Variants in LOXHD1 observed in about 807,000 individuals in gnomAD.
The protein encoded by LOXHD1 is lipoxygenase homology domain-containing protein 1.
In LOXHD1, 205 loss-of-function variants were observed where a neutral mutation model predicts 248.2. The ratio of observed to expected loss-of-function variants is 0.83; its 90% CI spans 0.74 to 0.93. The LOEUF (loss-of-function observed/expected upper bound fraction) is 0.93, where lower values mean the gene tolerates loss of function less well. Ranked by LOEUF, LOXHD1 falls within the 40% of genes least tolerant of loss-of-function variation. The pLI is 0.00. For synonymous variants in LOXHD1, 1,113 were observed against 1,162.8 expected (o/e 0.96, Z 0.87); for missense variants, 2,930 against 2,971.6 (o/e 0.99, Z 0.33).
chr18:46,486,551 AC>A (rs2033068779), intron 38 of LOXHD1, among the ~76,000 whole-genome samples: 1 of 152,114 alleles, frequency 6.6e-6, no homozygotes, highest in African/African-American at 2.4e-5. Context: ...CAGCCCAGAG[AC>A]CCAAAGCCAT....
intron 1 of LOXHD1, among the ~76,000 whole-genome samples, chr18:46,656,395 C>A (rs1318449177): frequency 6.6e-6 from 1 of 152,182 alleles, no homozygotes; most frequent in African/African-American, 2.4e-5. Context: ...AAGGACAAGG[C>A]CCTGGGGTCC....
At chr18:46,534,571 G>A (rs559032097) in intron 26 of LOXHD1, 120 bp from the exon 27 acceptor site, 24 of 735,130 alleles carry the variant, frequency 3.3e-5, no homozygotes, top group East Asian at 1.1e-4. Context: ...CTCCTGATAC[G>A]TCTCCACTAT....
chr18:46,641,124 C>T (rs1264666322), intron 3 of LOXHD1, among the ~76,000 whole-genome samples: 2 of 152,198 alleles, frequency 1.3e-5, no homozygotes, highest in Non-Finnish European at 2.9e-5. Context: ...CTCGTAACCT[C>T]CTTCCCTACA....
At chr18:46,648,256 TCAAAACAAAA>T (rs1183569480) in intron 2 of LOXHD1, among the ~76,000 whole-genome samples, 3 of 151,704 alleles carry the variant, frequency 2.0e-5, no homozygotes, top group East Asian at 1.9e-4. Context: ...AGACTCCATC[TCAAAACAAAA>T]CAAAACAAAA....
At chr18:46,648,811 T>C (rs1003257588) in intron 2 of LOXHD1, among the ~76,000 whole-genome samples, 3 of 152,098 alleles carry the variant, frequency 2.0e-5, no homozygotes, top group African/African-American at 7.2e-5. Context: ...CCGATATCTG[T>C]GTGATGATAT....
intron 31 of LOXHD1, among the ~76,000 whole-genome samples, chr18:46,523,855 A>T (rs2035698402): frequency 6.6e-6 from 1 of 152,010 alleles, no homozygotes; most frequent in South Asian, 2.1e-4. Context: ...GACTCCACAG[A>T]TCCACCATGT....
At chr18:46,478,830 C>T (rs776848168) in intron 40 of LOXHD1, among the ~76,000 whole-genome samples, 3 of 152,142 alleles carry the variant, frequency 2.0e-5, no homozygotes, top group Non-Finnish European at 4.4e-5. Flanking sequence ...GAAGCTGGAA[C>T]TATGAGCATG....
At position 46,644,800 on chromosome 18, in the gene LOXHD1, A is replaced by C. The variant is rs764742983; in HGVS notation, c.246-2764T>G. ...CTGAACGTGAATACATACGTTCCAA[A>C]GCATTTGTGAAACAATCCACCATGG... is the stretch of plus-strand genomic sequence containing the variant. On this transcript the variant is annotated intron_variant, in intron 2 of 40. Coordinates refer to ENST00000642948, the MANE Select transcript of LOXHD1 (RefSeq NM_001384474.1). Among the ~76,000 whole-genome samples, 26 of 152,304 alleles carry C rather than the reference A, an allele frequency of 1.7e-4. No homozygotes were observed. The South Asian group carries it at 2.3e-3, about 13-fold the overall frequency.
In LOXHD1 at chr18:46,533,279, AG is replaced by A; in HGVS notation, c.4257del (p.Ser1420LeufsTer22). 6.4e-7 allele frequency: 1 copy of A among 1,551,822 alleles called. No homozygotes were observed. Among genetic ancestry groups the A allele is most frequent in the Non-Finnish European group, 8.7e-7 (1 of 1,147,020 alleles). On this transcript the variant is annotated frameshift_variant, in exon 28 of 41. Transcript: ENST00000642948. LOFTEE classifies it high-confidence loss of function. Reference sequence around the variant, plus strand: ...CGAATGGTCTTTTTGTCATCCTCAGAGGTGGCAAGCCACCGATCGCATGGGA... The same window carrying A: ...CGAATGGTCTTTTTGTCATCCTCAGAGTGGCAAGCCACCGATCGCATGGGA... ...LTFPCDRWLA[T>X]SEDDKKTIRE...
chr18:46,500,095 T>C (rs183925752), intron 37 of LOXHD1, among the ~76,000 whole-genome samples: 158 of 152,276 alleles, frequency 1.0e-3, no homozygotes, highest in Non-Finnish European at 9.6e-4. Flanking sequence ...TCTCTTTTCT[T>C]CTTCCCCCTC....
In LOXHD1 at chr18:46,481,082, ATT is replaced by A. The variant is rs140818307; in HGVS notation, c.6341+2503_6341+2504del. Among the ~76,000 whole-genome samples the A allele has an allele frequency of 3.6e-3, 541 of 152,338 alleles. 2 individuals are homozygous for A. The highest frequency in any genetic ancestry group is 0.013 in the African/African-American group (525 of 41,576). On this transcript the variant is annotated intron_variant, in intron 40 of 40. Coordinates refer to ENST00000642948, the MANE Select transcript of LOXHD1 (RefSeq NM_001384474.1). ...TTTGGAGTTATTGTGTGTATGAGATATTGAGATTAAATTCATTTGTAATTCAT... is the reference window on the plus strand; with the variant it reads ...TTTGGAGTTATTGTGTGTATGAGATAGAGATTAAATTCATTTGTAATTCAT...
Position 46,563,213 on chromosome 18 carries a change from T to G in LOXHD1, c.2450A>C (p.Glu817Ala), listed in dbSNP as rs1279979772. The change falls in exon 18 of 41, where the codon GAG becomes GCG. Residue 817 changes from glutamate to alanine, a missense_variant. Transcript: ENST00000642948. ...CACATCTCCTGTCCAAATCTCAACC[T>G]CATAGTGGACCACTGGGTGGGCACG... Reference protein sequence around the residue: ...VVEIQKLVHYEVEIWTGDVGG... With the variant: ...VVEIQKLVHYAVEIWTGDVGG... 8 of 1,508,112 alleles carry G rather than the reference T, an allele frequency of 5.3e-6. No homozygotes were observed. Among genetic ancestry groups the G allele is most frequent in the Non-Finnish European group, 7.2e-6 (8 of 1,112,748 alleles). 93.4% of individuals were successfully genotyped at this position (1,508,112 alleles called of 1,614,324 possible).
intron 28 of LOXHD1, among the ~76,000 whole-genome samples, chr18:46,530,302 G>A (rs570829526): frequency 1.3e-5 from 2 of 152,288 alleles, no homozygotes; most frequent in South Asian, 4.1e-4. Flanking sequence ...GGGCCACAGG[G>A]ACCCCTCACC....
At chr18:46,652,427 G>A (rs1304095925) in intron 1 of LOXHD1, among the ~76,000 whole-genome samples, 1 of 152,182 alleles carries the variant, frequency 6.6e-6, no homozygotes, top group Non-Finnish European at 1.5e-5. Context: ...TACCACAAAA[G>A]AGGATAGCCA....
At chr18:46,607,758 C>T (rs987080869) in intron 6 of LOXHD1, among the ~76,000 whole-genome samples, 1 of 151,706 alleles carries the variant, frequency 6.6e-6, no homozygotes, top group African/African-American at 2.4e-5. Flanking sequence ...GACAAGTTCT[C>T]AAGGAATGCA....
At chr18:46,597,962 T>C (rs1437657052) in intron 8 of LOXHD1, among the ~76,000 whole-genome samples, 1 of 150,528 alleles carries the variant, frequency 6.6e-6, no homozygotes, top group Non-Finnish European at 1.5e-5. Flanking sequence ...AGAGATGGGG[T>C]TTCACCATGT....
Position 46,591,864 on chromosome 18 carries a change from G to A in LOXHD1, c.1654+69C>T, listed in dbSNP as rs12606558. On this transcript the variant is annotated intron_variant, in intron 12 of 40. Transcript: ENST00000642948. ...AGCAGACAAGACTCTCAGCTCATAG[G>A]TCAGGCCCATCGGGACACCAAGCAG... is the stretch of plus-strand genomic sequence containing the variant. The A allele has an allele frequency of 0.29, 443,756 of 1,532,462 alleles. 65,999 individuals are homozygous for A. The highest frequency in any genetic ancestry group is 0.36 in the East Asian group (14,466 of 40,746). The allele number at this position is 1,532,462 out of a possible 1,614,324, so 94.9% of individuals were successfully genotyped here.
Position 46,518,234 on chromosome 18 carries a change from C to T in LOXHD1, c.5294G>A (p.Trp1765Ter), listed in dbSNP as rs1053524259. 3.2e-6 allele frequency: 5 copies of T among 1,551,642 alleles called. No homozygotes were observed. The highest frequency in any genetic ancestry group is 3.3e-4 in the Middle Eastern group (2 of 5,992). Residue 1765 changes from tryptophan (W) to a stop codon, truncating the protein, a stop_gained, in exon 34 of 41, where the codon TGG (tryptophan) becomes TAG (stop). Transcript: ENST00000642948. LOFTEE classifies it high-confidence loss of function. ...GCCCCCGCCAACCACATCCCCTGTC[C>T]ACACCGTCATTTCATAGAGAACCTG... is the stretch of plus-strand genomic sequence containing the variant. ...GVKVLYEMTVWTGDVVGGGTD... is the reference protein window; with the variant it reads ...GVKVLYEMTV
intron 31 of LOXHD1, 38 bp downstream of exon 31, chr18:46,524,428 G>A (rs956843745): frequency 2.6e-6 from 4 of 1,539,876 alleles, no homozygotes; most frequent in Non-Finnish European, 3.5e-6. Flanking sequence ...ATTTCCATGT[G>A]CCTGGCCCCC....
Sources: gnomAD v4.1 joint callset for allele counts (sites outside exome capture counted in the v4.1 genomes callset) on GRCh38, gnomAD v4.1.1 for gene constraint, MANE v1.5 for transcripts, NCBI Gene and HGNC (gene_info 2026-07-23, HGNC 2026-07-21) for gene names.